EML6: variants seen among roughly 807,000 people sequenced by gnomAD.
EML6 encodes echinoderm microtubule-associated protein-like 6.
A neutral mutation model predicts 240.1 loss-of-function variants in EML6; 154 were observed. That is an observed-to-expected ratio of 0.64 (90% CI 0.56 to 0.73). The LOEUF (loss-of-function observed/expected upper bound fraction) is 0.73, where lower values mean the gene tolerates loss of function less well. Ranked by LOEUF, EML6 falls within the 30% of genes least tolerant of loss-of-function variation. The pLI, the probability that EML6 is intolerant of heterozygous loss-of-function variation, is 0.00. For synonymous variants in EML6, 1,148 were observed against 899.0 expected (o/e 1.28, Z -4.95); for missense variants, 2,964 against 2,474.6 (o/e 1.20, Z -4.20).
chr2:54,846,582 C>T (rs1490117138), intron 8 of EML6, among the ~76,000 whole-genome samples: 2 of 151,210 alleles, frequency 1.3e-5, no homozygotes, highest in Non-Finnish European at 2.9e-5. Flanking sequence ...CTCCTAGGCT[C>T]AAGCTATCCT....
intron 26 of EML6, among the ~76,000 whole-genome samples, chr2:54,920,990 T>C (rs1019962269): frequency 1.3e-5 from 2 of 151,786 alleles, no homozygotes; most frequent in African/African-American, 2.4e-5. Flanking sequence ...CAATTAGATA[T>C]AGAAGGAAGG....
chr2:54,961,172 T>G (rs995105626), intron 35 of EML6, among the ~76,000 whole-genome samples: 3 of 147,468 alleles, frequency 2.0e-5, no homozygotes, highest in African/African-American at 7.6e-5. Flanking sequence ...GCCTGGAAGT[T>G]ATCAGGAAGT....
intron 16 of EML6, among the ~76,000 whole-genome samples, chr2:54,874,484 C>G (rs532815222): frequency 6.6e-6 from 1 of 152,172 alleles, no homozygotes; most frequent in African/African-American, 2.4e-5. Flanking sequence ...CCCCAGATAA[C>G]AATCACTGGG....
chr2:54,819,361 C>A (rs1015570028), intron 4 of EML6, among the ~76,000 whole-genome samples: 1 of 152,098 alleles, frequency 6.6e-6, no homozygotes, highest in Non-Finnish European at 1.5e-5. Flanking sequence ...CTCAGATGGG[C>A]CCTGGAAATA....
intron 8 of EML6, among the ~76,000 whole-genome samples, chr2:54,845,455 C>T (rs543722949): frequency 3.0e-4 from 45 of 152,304 alleles, no homozygotes; most frequent in African/African-American, 1.0e-3. Context: ...CCTTGAGGAG[C>T]CCTGACTGCC....
chr2:54,728,690 T>G (rs1298447437), intron 2 of EML6, among the ~76,000 whole-genome samples: 1 of 152,178 alleles, frequency 6.6e-6, no homozygotes, highest in Non-Finnish European at 1.5e-5. Context: ...GGCCCTTAGT[T>G]GGTGCTCAAT....
At chr2:54,968,834 C>T (rs535221508) in intron 41 of EML6, 66 bp downstream of exon 41, 17 of 870,744 alleles carry the variant, frequency 2.0e-5, no homozygotes, top group South Asian at 1.6e-4. Flanking sequence ...CCATCTCAGG[C>T]ATCCCGTGGG....
intron 7 of EML6, 44 bp from the exon 8 acceptor site, chr2:54,844,003 T>TGTGTGTGTGTGA (rs1287093036): frequency 6.5e-6 from 8 of 1,223,618 alleles, no homozygotes; most frequent in Admixed American, 2.0e-5. Flanking sequence ...TGTGTGTGTG[T>TGTGTGTGTGTGA]GAATAGTGTG....
intron 2 of EML6, among the ~76,000 whole-genome samples, chr2:54,801,528 G>T (rs937428770): frequency 5.3e-5 from 8 of 152,210 alleles, no homozygotes; most frequent in African/African-American, 1.9e-4. Flanking sequence ...GCTTGCGCCA[G>T]CTCTGAGGAG....
chr2:54,813,153 A>G, intron 2 of EML6, 79 bp from the exon 3 acceptor site: 1 of 1,040,034 alleles, frequency 9.6e-7, no homozygotes, highest in Non-Finnish European at 1.4e-6. Context: ...GATAATTTAA[A>G]TGAGAAACAG....
intron 25 of EML6, among the ~76,000 whole-genome samples, chr2:54,913,710 A>C (rs749066192): frequency 6.6e-6 from 1 of 152,130 alleles, no homozygotes; most frequent in Non-Finnish European, 1.5e-5. Flanking sequence ...GCTTTTGAGG[A>C]CTTAGTCATA....
At chr2:54,851,259 A>G (rs1327422884) in intron 10 of EML6, among the ~76,000 whole-genome samples, 1 of 152,108 alleles carries the variant, frequency 6.6e-6, no homozygotes, top group Non-Finnish European at 1.5e-5. Flanking sequence ...AGATACAAAA[A>G]AAAATCAGCC....
chr2:54,948,299 G>C (rs1394179460), intron 28 of EML6, among the ~76,000 whole-genome samples: 2 of 152,342 alleles, frequency 1.3e-5, no homozygotes, highest in East Asian at 1.9e-4. Context: ...CGAGGGCGGA[G>C]TGGGAGGCGG....
intron 36 of EML6, 111 bp from the exon 37 acceptor site, chr2:54,963,875 C>T (rs1676633700): frequency 1.1e-6 from 1 of 899,664 alleles, no homozygotes; most frequent in Admixed American, 3.0e-5. Flanking sequence ...GATTTGGTGG[C>T]CTGCAGTGGC....
intron 11 of EML6, 84 bp downstream of exon 11, chr2:54,853,939 T>C (rs1670231489): frequency 1.3e-6 from 1 of 758,328 alleles, no homozygotes; most frequent in Non-Finnish European, 2.1e-6. Context: ...TCCTGCTGTC[T>C]ATTCCAATGC....
chr2:54,769,087 T>G (rs964515311), intron 2 of EML6, among the ~76,000 whole-genome samples: 2 of 152,216 alleles, frequency 1.3e-5, no homozygotes, highest in African/African-American at 4.8e-5. Context: ...CAAAATACAA[T>G]GTACAGATAA....
chr2:54,911,972 C>T (rs1212576395), intron 25 of EML6, among the ~76,000 whole-genome samples: 1 of 152,180 alleles, frequency 6.6e-6, no homozygotes, highest in Admixed American at 6.5e-5. Context: ...CCTGGTCTAA[C>T]TGTTGATGAG....
intron 26 of EML6, among the ~76,000 whole-genome samples, chr2:54,923,392 CA>C (rs1674368421): frequency 2.0e-5 from 3 of 151,588 alleles, no homozygotes; most frequent in South Asian, 4.2e-4. Context: ...CACACACACA[CA>C]CACACACACA....
chr2:54,958,942 G>A (rs762456540), intron 33 of EML6, among the ~76,000 whole-genome samples, 162 bp from the exon 34 acceptor site: 20 of 152,298 alleles, frequency 1.3e-4, no homozygotes, highest in African/African-American at 4.3e-4. Flanking sequence ...ATGTGCTCTC[G>A]GTGATTTCTT....
Sources: gnomAD v4.1 joint callset for allele counts (sites outside exome capture counted in the v4.1 genomes callset) on GRCh38, gnomAD v4.1.1 for gene constraint, MANE v1.5 for transcripts, NCBI Gene and HGNC (gene_info 2026-07-23, HGNC 2026-07-21) for gene names.